Variants in GUCY1A2 observed in about 807,000 individuals in gnomAD.
GUCY1A2 encodes the protein guanylate cyclase 1 soluble subunit alpha 2, also known as guanylate cyclase soluble subunit alpha-2.
A neutral mutation model predicts 63.5 loss-of-function variants in GUCY1A2; 27 were observed. The observed-to-expected ratio is 0.43, with a 90% CI of 0.31 to 0.59. The LOEUF (loss-of-function observed/expected upper bound fraction) is 0.59. Ranked by LOEUF, GUCY1A2 falls within the 20% of genes least tolerant of loss-of-function variation. GUCY1A2 has a pLI of 0.11. For missense variants in GUCY1A2, 768 were observed against 913.3 expected, an observed-to-expected ratio of 0.84 and a Z score of 2.05; for synonymous variants, 364 against 343.5, an observed-to-expected ratio of 1.06 and a Z score of -0.66.
Position 106,683,504 on chromosome 11 carries a change from C to T in GUCY1A2, c.*4045G>A. On this transcript the variant is annotated 3_prime_UTR_variant, in exon 8 of 8. Coordinates refer to ENST00000526355, the MANE Select transcript of GUCY1A2 (RefSeq NM_000855.3). ...GCACATCCAGTTCATTACTACACTT[C>T]AGAAGTACATTGTTGCTCAGGCCTG... 4.4e-6 allele frequency: 1 copy of T among 228,540 alleles called. No individual in the cohort carries two copies. The highest frequency in any genetic ancestry group is 8.7e-6 in the Non-Finnish European group (1 of 115,020). 14.2% of individuals were successfully genotyped at this position (228,540 alleles called of 1,614,324 possible). A position where few individuals can be genotyped will look rare whatever the true frequency, so the allele number is the denominator to read the frequency against.
chr11:106,720,319 G>A (rs752248201), intron 6 of GUCY1A2, among the ~76,000 whole-genome samples: 6 of 152,136 alleles, frequency 3.9e-5, no homozygotes, highest in Non-Finnish European at 4.4e-5. Flanking sequence ...AAAGGCAAAC[G>A]ACTTTGTCTT....
rs562125811 is a variant in GUCY1A2 at position 106,964,557 on chromosome 11, C to A, written c.487+14062G>T. Among the ~76,000 whole-genome samples, 32 of 152,304 alleles carry A rather than the reference C, an allele frequency of 2.1e-4. No homozygotes were observed. The South Asian group carries it at 6.2e-3, about 30-fold the overall frequency. On this transcript the variant is annotated intron_variant, in intron 3 of 7. Coordinates refer to ENST00000526355, the MANE Select transcript of GUCY1A2 (RefSeq NM_000855.3). ...CTCCTATTTTTATCAGCTCAAAACC[C>A]TTGCTCTCTAGATCTGTTTTTCTAT...
intron 6 of GUCY1A2, among the ~76,000 whole-genome samples, chr11:106,765,343 C>T (rs553769646): frequency 6.6e-6 from 1 of 152,096 alleles, no homozygotes; most frequent in Admixed American, 6.6e-5. Flanking sequence ...TAACCCAAAC[C>T]TCTCGATGTT....
At chr11:106,767,451 C>G (rs1864183845) in intron 6 of GUCY1A2, among the ~76,000 whole-genome samples, 1 of 152,072 alleles carries the variant, frequency 6.6e-6, no homozygotes, top group South Asian at 2.1e-4. Context: ...CTTGGGAAAT[C>G]TGTTTGACAA....
intron 5 of GUCY1A2, among the ~76,000 whole-genome samples, chr11:106,803,452 T>A (rs1026821170): frequency 1.1e-4 from 16 of 152,184 alleles, no homozygotes; most frequent in African/African-American, 3.9e-4. Context: ...TAAATCCAAA[T>A]AAATAAGCAT....
intron 4 of GUCY1A2, chr11:106,825,054 A>G: frequency 1.0e-6 from 1 of 967,082 alleles, no homozygotes; most frequent in Non-Finnish European, 1.5e-6. Context: ...AATTTCATAG[A>G]TATTTTATAT....
chr11:106,969,730 C>T (rs1054972473), intron 3 of GUCY1A2, among the ~76,000 whole-genome samples: 2 of 152,128 alleles, frequency 1.3e-5, no homozygotes, highest in Admixed American at 6.6e-5. Flanking sequence ...CCTTCTAACT[C>T]AGAGAAAAAG....
At chr11:107,013,640 C>T (rs999843887) in intron 1 of GUCY1A2, among the ~76,000 whole-genome samples, 2 of 152,018 alleles carry the variant, frequency 1.3e-5, no homozygotes, top group South Asian at 2.1e-4. Flanking sequence ...TTCCGCCTCC[C>T]GGGTTCAAGC....
intron 4 of GUCY1A2, among the ~76,000 whole-genome samples, chr11:106,861,870 C>A (rs1859517799): frequency 6.6e-6 from 1 of 151,930 alleles, no homozygotes; most frequent in Admixed American, 6.6e-5. Flanking sequence ...ATTCAACAAA[C>A]CATTTCTTTC....
chr11:106,860,125 T>G (rs1565312397), intron 4 of GUCY1A2, among the ~76,000 whole-genome samples: 1 of 151,970 alleles, frequency 6.6e-6, no homozygotes, highest in Non-Finnish European at 1.5e-5. Flanking sequence ...ATGAATTACT[T>G]AAGTTTATGT....
At chr11:106,780,728 C>T (rs1362116177) in intron 5 of GUCY1A2, among the ~76,000 whole-genome samples, 1 of 152,180 alleles carries the variant, frequency 6.6e-6, no homozygotes, top group Non-Finnish European at 1.5e-5. Flanking sequence ...AATAATCACA[C>T]ATTCTCTAAT....
intron 4 of GUCY1A2, among the ~76,000 whole-genome samples, chr11:106,841,032 G>A (rs148146672): frequency 1.3e-5 from 2 of 151,944 alleles, no homozygotes; most frequent in African/African-American, 4.8e-5. Flanking sequence ...TACCTTTCTA[G>A]TGCTGTAGGA....
At chr11:106,963,614 T>A (rs1861087708) in intron 3 of GUCY1A2, among the ~76,000 whole-genome samples, 1 of 152,076 alleles carries the variant, frequency 6.6e-6, no homozygotes, top group South Asian at 2.1e-4. Flanking sequence ...CCAAATCACG[T>A]TATAAGGGAG....
intron 5 of GUCY1A2, 119 bp from the exon 6 acceptor site, chr11:106,776,701 A>T: frequency 1.1e-6 from 1 of 906,402 alleles, no homozygotes; most frequent in Non-Finnish European, 1.7e-6. Context: ...CAATAAATTA[A>T]GCAATTAGAC....
intron 3 of GUCY1A2, among the ~76,000 whole-genome samples, chr11:106,946,993 T>C (rs1027475638): frequency 6.6e-6 from 1 of 151,306 alleles, no homozygotes; most frequent in African/African-American, 2.4e-5. Flanking sequence ...CCGAGGCGGG[T>C]GGATAATGAA....
chr11:106,974,811 C>A (rs543219309), intron 3 of GUCY1A2, among the ~76,000 whole-genome samples: 1 of 152,214 alleles, frequency 6.6e-6, no homozygotes, highest in East Asian at 1.9e-4. Context: ...CTTTTCAGAA[C>A]TATGCACTTC....
chr11:106,709,275 A>T (rs1326552757), intron 6 of GUCY1A2, among the ~76,000 whole-genome samples: 1 of 58,402 alleles, frequency 1.7e-5, no homozygotes. Flanking sequence ...ATATTTATAT[A>T]TATAAATTTA....
At chr11:106,943,412 G>C (rs1860777319) in intron 3 of GUCY1A2, among the ~76,000 whole-genome samples, 2 of 152,180 alleles carry the variant, frequency 1.3e-5, no homozygotes, top group Non-Finnish European at 2.9e-5. Flanking sequence ...TCTTATTAAT[G>C]GGTAAGTTAA....
At chr11:106,703,015 G>A (rs528953732) in intron 7 of GUCY1A2, among the ~76,000 whole-genome samples, 11 of 152,228 alleles carry the variant, frequency 7.2e-5, no homozygotes, top group Admixed American at 2.0e-4. Flanking sequence ...CTCAAGCTGG[G>A]TGGACACAAT....
Sources: gnomAD v4.1 joint callset for allele counts (sites outside exome capture counted in the v4.1 genomes callset) on GRCh38, gnomAD v4.1.1 for gene constraint, MANE v1.5 for transcripts, NCBI Gene and HGNC (gene_info 2026-07-23, HGNC 2026-07-21) for gene names.